EPC2: variants seen among roughly 807,000 people sequenced by gnomAD.
EPC2 encodes the protein enhancer of polycomb 2, also known as enhancer of polycomb homolog 2.
A neutral mutation model predicts 92.1 loss-of-function variants in EPC2; 14 were observed. The observed-to-expected ratio is 0.15, with a 90% CI of 0.10 to 0.24. The LOEUF is 0.24. Ranked by LOEUF, EPC2 falls within the 10% of genes least tolerant of loss-of-function variation. The probability of loss-of-function intolerance (pLI) is 1.00; values close to 1 mark genes in which losing one functional copy is unlikely to be tolerated. For missense variants in EPC2, 755 were observed against 971.5 expected, an observed-to-expected ratio of 0.78 and a Z score of 2.96; for synonymous variants, 340 against 334.7, an observed-to-expected ratio of 1.02 and a Z score of -0.17.
intron 2 of EPC2, among the ~76,000 whole-genome samples, chr2:148,727,487 T>G (rs368632667): frequency 1.3e-5 from 2 of 152,246 alleles, no homozygotes; most frequent in East Asian, 3.8e-4. Context: ...TTCAAGTTCC[T>G]TACCATGTAG....
chr2:148,665,495 C>A (rs2105357459), intron 1 of EPC2, among the ~76,000 whole-genome samples: 1 of 152,154 alleles, frequency 6.6e-6, no homozygotes, highest in Middle Eastern at 3.4e-3. Flanking sequence ...TGATTTAAAA[C>A]AAGGTTTTCG....
intron 4 of EPC2, 55 bp from the exon 5 acceptor site, chr2:148,761,727 C>T: frequency 8.0e-7 from 1 of 1,244,940 alleles, no homozygotes; most frequent in Non-Finnish European, 1.1e-6. Flanking sequence ...TTGAATAAAG[C>T]CGGAAATGTA....
intron 7 of EPC2, among the ~76,000 whole-genome samples, chr2:148,766,129 G>A (rs13032258): frequency 0.18 from 27,786 of 152,076 alleles, 3,272 homozygotes; most frequent in East Asian, 0.49. Context: ...AAAATAGTAT[G>A]GGAAACTTAA....
chr2:148,678,072 G>C (rs1024038947), intron 1 of EPC2, among the ~76,000 whole-genome samples: 2 of 152,208 alleles, frequency 1.3e-5, no homozygotes, highest in African/African-American at 2.4e-5. Flanking sequence ...TGGTAGAGCT[G>C]AGTGGTCTGT....
At position 148,786,306 on chromosome 2, in the gene EPC2, G is replaced by T; in HGVS notation, c.2353G>T (p.Glu785Ter). The change falls in exon 14 of 14, where the codon GAG becomes TAG. Residue 785 changes from glutamate to a stop codon, truncating the protein, a stop_gained and splice_region_variant. Transcript: ENST00000258484. LOFTEE classifies it high-confidence loss of function. ...PSSAISSIAR[E>*]NHEPERLGLN... is the part of the protein sequence containing the mutation. ...TTATCCTTTGCCTTATTACCATAGA[G>T]AGAACCACGAACCAGAAAGATTGGG... The T allele has an allele frequency of 6.2e-7, 1 of 1,610,918 alleles. No individual in the cohort carries two copies. The highest frequency in any genetic ancestry group is 8.5e-7 in the Non-Finnish European group (1 of 1,178,330).
At chr2:148,762,018 T>C (rs976017077) in intron 5 of EPC2, 88 bp downstream of exon 5, 1 of 1,114,194 alleles carries the variant, frequency 9.0e-7, no homozygotes, top group Non-Finnish European at 1.3e-6. Flanking sequence ...GGGGAACAGG[T>C]TAAGCTTTAT....
intron 1 of EPC2, among the ~76,000 whole-genome samples, chr2:148,684,398 G>C (rs954158183): frequency 1.3e-5 from 2 of 152,098 alleles, no homozygotes; most frequent in Non-Finnish European, 2.9e-5. Context: ...TTGCGTTTGG[G>C]TTCTTGGTCA....
intron 2 of EPC2, among the ~76,000 whole-genome samples, chr2:148,727,894 C>T (rs1263979405): frequency 1.3e-5 from 2 of 152,212 alleles, no homozygotes; most frequent in Non-Finnish European, 2.9e-5. Context: ...TCTGTACACT[C>T]TCCACTCCAA....
intron 4 of EPC2, among the ~76,000 whole-genome samples, chr2:148,757,855 A>G (rs1289609088): frequency 6.6e-6 from 1 of 151,910 alleles, no homozygotes; most frequent in Admixed American, 6.6e-5. Context: ...AAAATAAAAT[A>G]TATAAAATAA....
At chr2:148,755,137 A>G (rs1683161762) in intron 4 of EPC2, among the ~76,000 whole-genome samples, 1 of 152,110 alleles carries the variant, frequency 6.6e-6, no homozygotes, top group Non-Finnish European at 1.5e-5. Flanking sequence ...GAATTTCTAT[A>G]ATTCTTGAGG....
At position 148,671,099 on chromosome 2, in the gene EPC2, C is replaced by T. The variant is rs550609933; in HGVS notation, c.154-19115C>T. 2.0e-5 allele frequency among the ~76,000 whole-genome samples: 3 copies of T among 152,200 alleles called. No individual in the cohort carries two copies. In the South Asian group the frequency reaches 6.2e-4, roughly 32 times the overall value. Reference sequence around the variant, plus strand: ...TCTGATATATAGGTTTAAGATCAACCTTATTAAGTTGCTTAGGTGTTCACT... The same window carrying T: ...TCTGATATATAGGTTTAAGATCAACTTTATTAAGTTGCTTAGGTGTTCACT... On this transcript the variant is annotated intron_variant, in intron 1 of 13. Coordinates refer to ENST00000258484, the MANE Select transcript of EPC2 (RefSeq NM_015630.4).
At chr2:148,720,545 T>C (rs753353559) in intron 2 of EPC2, among the ~76,000 whole-genome samples, 4 of 152,202 alleles carry the variant, frequency 2.6e-5, no homozygotes, top group Non-Finnish European at 5.9e-5. Flanking sequence ...TGTAAAGCTC[T>C]TGGGTCTCTG....
chr2:148,765,988 A>T (rs956224468), intron 7 of EPC2, among the ~76,000 whole-genome samples: 9 of 152,222 alleles, frequency 5.9e-5, no homozygotes, highest in Admixed American at 3.9e-4. Context: ...GTGAGCTGAG[A>T]TCGCACCACT....
At chr2:148,721,890 C>CTTTCTTTTTTTTTTTTTTTTTT (rs368720620) in intron 2 of EPC2, among the ~76,000 whole-genome samples, 1 of 60,734 alleles carries the variant, frequency 1.6e-5, no homozygotes, top group African/African-American at 6.5e-5. Context: ...GTTTTGATTT[C>CTTTCTTTTTTTTTTTTTTTTTT]TTTTTTTTTT....
chr2:148,704,443 G>A (rs1020450992), intron 2 of EPC2, among the ~76,000 whole-genome samples: 3 of 152,100 alleles, frequency 2.0e-5, no homozygotes, highest in African/African-American at 7.2e-5. Context: ...AGATAGTGGT[G>A]ATTATGCAAC....
chr2:148,783,746 C>A lies in EPC2; in HGVS notation c.2007C>A (p.Val669=). ...GCCACAACAACATAAACGGTGTTGTCCAGCCTTCAGGTACAGCTGGGGTTT... is the reference window on the plus strand; with the variant it reads ...GCCACAACAACATAAACGGTGTTGTACAGCCTTCAGGTACAGCTGGGGTTT... ...NTGHNNINGV[V]QPSGTSKTLY... is the part of the protein sequence containing the mutation. The change falls in exon 12 of 14, where the codon GTC becomes GTA. Residue 669 remains valine (V), a synonymous_variant. Transcript: ENST00000258484. 1 of 1,590,734 alleles carries A rather than the reference C, an allele frequency of 6.3e-7. No individual in the cohort carries two copies. Among genetic ancestry groups the A allele is most frequent in the Non-Finnish European group, 8.6e-7 (1 of 1,167,648 alleles).
intron 1 of EPC2, among the ~76,000 whole-genome samples, chr2:148,685,533 G>A (rs1050297696): frequency 3.9e-5 from 6 of 152,312 alleles, no homozygotes; most frequent in East Asian, 1.9e-4. Context: ...GGCTGAGGTG[G>A]GCAGATCACG....
chr2:148,652,647 C>T (rs1321847831), intron 1 of EPC2, among the ~76,000 whole-genome samples: 2 of 151,996 alleles, frequency 1.3e-5, no homozygotes, highest in African/African-American at 4.8e-5. Flanking sequence ...GGCATATTGT[C>T]CAGGATTATA....
chr2:148,688,675 C>T (rs1377630519), intron 1 of EPC2, among the ~76,000 whole-genome samples: 2 of 152,156 alleles, frequency 1.3e-5, no homozygotes, highest in African/African-American at 4.8e-5. Context: ...ACAAAACATC[C>T]TTATGCCTCA....
Sources: allele counts gnomAD v4.1 joint callset (sites outside exome capture counted in the v4.1 genomes callset), GRCh38; gene constraint gnomAD v4.1.1; transcripts MANE v1.5; gene names NCBI Gene and HGNC (gene_info 2026-07-23, HGNC 2026-07-21).